Variants in DACH1 observed in about 807,000 individuals in gnomAD.
DACH1 encodes dachshund family transcription factor 1, also known as dachshund homolog 1.
A neutral mutation model predicts 54.2 loss-of-function variants in DACH1; 12 were observed. The ratio of observed to expected loss-of-function variants is 0.22; its 90% CI spans 0.14 to 0.36. DACH1 has a LOEUF of 0.36. Ranked by LOEUF, DACH1 falls within the 10% of genes least tolerant of loss-of-function variation. The pLI, the probability that DACH1 is intolerant of heterozygous loss-of-function variation, is 1.00. For missense variants in DACH1, 805 were observed against 929.8 expected, an observed-to-expected ratio of 0.87 and a Z score of 1.75; for synonymous variants, 386 against 366.2, an observed-to-expected ratio of 1.05 and a Z score of -0.62.
chr13:71,820,983 G>C (rs1888162651), intron 1 of DACH1, among the ~76,000 whole-genome samples: 2 of 152,130 alleles, frequency 1.3e-5, no homozygotes, highest in Admixed American at 6.5e-5. Context: ...CAGAGCTCTA[G>C]ACAAAAACAG....
chr13:71,809,169 C>T (rs957989847), intron 1 of DACH1, among the ~76,000 whole-genome samples: 2 of 151,988 alleles, frequency 1.3e-5, no homozygotes, highest in African/African-American at 4.8e-5. Flanking sequence ...TATAACATAC[C>T]TCAAACAAAA....
At chr13:71,732,029 C>T (rs1883773991) in intron 1 of DACH1, among the ~76,000 whole-genome samples, 1 of 152,156 alleles carries the variant, frequency 6.6e-6, no homozygotes, top group Admixed American at 6.5e-5. Flanking sequence ...GAAGATCATA[C>T]ATTGACCTTT....
chr13:71,827,396 G>A (rs113589178), intron 1 of DACH1, among the ~76,000 whole-genome samples: 1 of 152,076 alleles, frequency 6.6e-6, no homozygotes, highest in Admixed American at 6.6e-5. Context: ...GAAGAATATA[G>A]CCTTCAATGC....
intron 3 of DACH1, among the ~76,000 whole-genome samples, chr13:71,600,194 A>T (rs1024965958): frequency 5.3e-5 from 8 of 152,156 alleles, no homozygotes; most frequent in Non-Finnish European, 1.2e-4. Context: ...CAAAATTAGT[A>T]GATGCAAATC....
At chr13:71,590,875 CTTT>C (rs71123234) in intron 3 of DACH1, among the ~76,000 whole-genome samples, 1 of 85,142 alleles carries the variant, frequency 1.2e-5, no homozygotes, top group African/African-American at 4.7e-5. Context: ...CTCTCTCTTT[CTTT>C]TTTTTTTTTT....
intron 3 of DACH1, among the ~76,000 whole-genome samples, chr13:71,592,244 GCT>G (rs889260521): frequency 6.6e-6 from 1 of 152,040 alleles, no homozygotes; most frequent in African/African-American, 2.4e-5. Context: ...GAGTGCCATG[GCT>G]CATGCCTGTA....
intron 1 of DACH1, among the ~76,000 whole-genome samples, chr13:71,788,557 T>C (rs1594223656): frequency 2.0e-5 from 3 of 152,028 alleles, no homozygotes; most frequent in Non-Finnish European, 4.4e-5. Context: ...TATAGGGTAG[T>C]TTACTGCACA....
rs1882347528 is a variant in DACH1 at position 71,704,762 on chromosome 13, T to C, written c.849-22852A>G. On this transcript the variant is annotated intron_variant, in intron 1 of 10. Transcript: ENST00000613252. ...CCCCCCAAGAAATATTTAAAGCAAA[T>C]TTTAATTGTGTCCTAATTTATTGTG... is the stretch of plus-strand genomic sequence containing the variant. 5 of 162,218 alleles carry C rather than the reference T, an allele frequency of 3.1e-5. No individual in the cohort carries two copies. In the Admixed American group the frequency reaches 3.2e-4, roughly 10 times the overall value. 10.0% of individuals were successfully genotyped at this position (162,218 alleles called of 1,614,324 possible). A position where few individuals can be genotyped will look rare whatever the true frequency, so the allele number is the denominator to read the frequency against.
intron 1 of DACH1, among the ~76,000 whole-genome samples, chr13:71,847,482 A>G (rs1261955775): frequency 1.3e-5 from 2 of 152,230 alleles, no homozygotes; most frequent in African/African-American, 4.8e-5. Flanking sequence ...AGTAAATGTT[A>G]GTTACCAGAA....
chr13:71,460,296 C>A (rs1875960028), intron 10 of DACH1, among the ~76,000 whole-genome samples: 1 of 151,934 alleles, frequency 6.6e-6, no homozygotes, highest in South Asian at 2.1e-4. Context: ...TGATTTATAA[C>A]CACTCAAGCA....
chr13:71,687,253 A>G (rs1881218510), intron 1 of DACH1, among the ~76,000 whole-genome samples: 1 of 152,136 alleles, frequency 6.6e-6, no homozygotes, highest in South Asian at 2.1e-4. Context: ...ATATACACAT[A>G]TAAATAATTT....
intron 3 of DACH1, among the ~76,000 whole-genome samples, chr13:71,587,870 A>C (rs1271579788): frequency 1.3e-5 from 2 of 152,078 alleles, no homozygotes; most frequent in Non-Finnish European, 2.9e-5. Flanking sequence ...AACATAATAA[A>C]CTCTCAGAAA....
chr13:71,585,276 A>ATG (rs1335028510), intron 3 of DACH1, among the ~76,000 whole-genome samples: 6 of 152,162 alleles, frequency 3.9e-5, no homozygotes, highest in Non-Finnish European at 7.4e-5. Flanking sequence ...TCTCATGTGC[A>ATG]TGTGTGTATT....
chr13:71,586,139 A>C lies in DACH1; in HGVS notation c.1127-13127T>G, dbSNP rs112141788. 6.3e-3 allele frequency among the ~76,000 whole-genome samples: 959 copies of C among 152,294 alleles called. 6 individuals are homozygous for C. Among genetic ancestry groups the C allele is most frequent in the Non-Finnish European group, 0.01 (688 of 68,016 alleles). On this transcript the variant is annotated intron_variant, in intron 3 of 10. Coordinates refer to ENST00000613252, the MANE Select transcript of DACH1 (RefSeq NM_080759.6). ...ATCATGTTTGGAAGGTTTCACATAC[A>C]GGGATATAATTTACCCTTTCTTGAC...
intron 1 of DACH1, among the ~76,000 whole-genome samples, chr13:71,851,263 T>G (rs9529921): frequency 0.39 from 59,449 of 152,036 alleles, 13,447 homozygotes; most frequent in East Asian, 0.84. Context: ...TTCAAAACTT[T>G]GGTTGGATTA....
At chr13:71,682,889 T>C (rs575402845) in intron 1 of DACH1, among the ~76,000 whole-genome samples, 44 of 152,276 alleles carry the variant, frequency 2.9e-4, no homozygotes, top group African/African-American at 1.0e-3. Flanking sequence ...AGTTTTAGCA[T>C]TGTGTTTTCA....
intron 1 of DACH1, among the ~76,000 whole-genome samples, chr13:71,826,519 C>T (rs988691674): frequency 1.3e-5 from 2 of 152,032 alleles, no homozygotes; most frequent in African/African-American, 4.8e-5. Context: ...TAACCTGTCT[C>T]TTCTCCCATT....
intron 1 of DACH1, among the ~76,000 whole-genome samples, chr13:71,733,187 A>T (rs1883828842): frequency 2.0e-5 from 3 of 152,204 alleles, no homozygotes; most frequent in African/African-American, 7.2e-5. Context: ...TTTGAGACGG[A>T]GTCTCATTCT....
At chr13:71,769,215 C>T (rs1885756003) in intron 1 of DACH1, among the ~76,000 whole-genome samples, 1 of 151,706 alleles carries the variant, frequency 6.6e-6, no homozygotes, top group African/African-American at 2.4e-5. Context: ...GTACCACATA[C>T]TCTTCATATT....
Sources: gnomAD v4.1 joint callset for allele counts (sites outside exome capture counted in the v4.1 genomes callset) on GRCh38, gnomAD v4.1.1 for gene constraint, MANE v1.5 for transcripts, NCBI Gene and HGNC (gene_info 2026-07-23, HGNC 2026-07-21) for gene names.